The following PPP1R1C variants were observed in gnomAD, a reference collection of about 807,000 sequenced individuals.
PPP1R1C encodes protein phosphatase 1 regulatory inhibitor subunit 1C.
Under a neutral mutation model 17.4 loss-of-function variants are expected in PPP1R1C, and 15 were observed. The ratio of observed to expected loss-of-function variants is 0.86; its 90% CI spans 0.58 to 1.33. The LOEUF (loss-of-function observed/expected upper bound fraction) is 1.33. Ranked by LOEUF, PPP1R1C falls within the 40% of genes most tolerant of loss-of-function variation. The probability of loss-of-function intolerance (pLI) is 0.00; values close to 1 mark genes in which losing one functional copy is unlikely to be tolerated. For synonymous variants in PPP1R1C, 35 were observed against 43.1 expected, an observed-to-expected ratio of 0.81 and a Z score of 0.73; for missense variants, 143 against 130.0, an observed-to-expected ratio of 1.10 and a Z score of -0.48.
intron 3 of PPP1R1C, among the ~76,000 whole-genome samples, chr2:182,061,928 G>C (rs774023911): frequency 3.3e-5 from 5 of 152,010 alleles, no homozygotes; most frequent in African/African-American, 9.7e-5. Flanking sequence ...CAGATCCAAC[G>C]GGTTCACCTA....
intron 1 of PPP1R1C, among the ~76,000 whole-genome samples, chr2:181,959,217 C>T (rs921472720): frequency 1.3e-5 from 2 of 152,230 alleles, no homozygotes; most frequent in South Asian, 2.1e-4. Context: ...TGAAAACCTA[C>T]GATTAAGAAT....
Position 181,962,682 on chromosome 2 carries a change from C to CT in PPP1R1C, n.111+8049dup, listed in dbSNP as rs1166354838. On this transcript the variant is annotated intron_variant and non_coding_transcript_variant, in intron 1 of 5. Transcript: ENST00000464264. The surrounding 1 kb of genome is among the most constrained non-coding windows in gnomAD (Gnocchi z 6.0). Reference sequence around the variant, plus strand: ...CCCACCCTCTAGCCTCAATAAGCAGCTGTTGACCCCAGCAGTGTTTACTCC... The same window carrying CT: ...CCCACCCTCTAGCCTCAATAAGCAGCTTGTTGACCCCAGCAGTGTTTACTCC... Among the ~76,000 whole-genome samples the CT allele has an allele frequency of 1.3e-5, 2 of 152,228 alleles. No homozygotes were observed. Among genetic ancestry groups the CT allele is most frequent in the Non-Finnish European group, 2.9e-5 (2 of 68,040 alleles).
chr2:182,018,222 T>TA (rs554394074), intron 2 of PPP1R1C, among the ~76,000 whole-genome samples: 100 of 152,282 alleles, frequency 6.6e-4, no homozygotes, highest in African/African-American at 2.3e-3. Flanking sequence ...AAGTCTAGTT[T>TA]CTATGCTGGA....
At chr2:182,119,494 A>G (rs1303339488), downstream of PPP1R1C, among the ~76,000 whole-genome samples, 3 of 152,200 alleles carry the variant, frequency 2.0e-5, no homozygotes, top group African/African-American at 7.2e-5. Context: ...GACTTCCACA[A>G]TGGTTGAACT....
intron 2 of PPP1R1C, among the ~76,000 whole-genome samples, chr2:182,014,887 A>G (rs1686211465): frequency 6.6e-6 from 1 of 151,334 alleles, no homozygotes; most frequent in Non-Finnish European, 1.5e-5. Context: ...AGGCCCAAGG[A>G]CTCTTTAGTC....
chr2:182,090,796 C>A (rs1688759074), intron 4 of PPP1R1C, among the ~76,000 whole-genome samples: 2 of 151,990 alleles, frequency 1.3e-5, no homozygotes, highest in South Asian at 4.1e-4. Context: ...TTTTAAAAAG[C>A]CTTTTCAAAA....
chr2:181,986,169 T>C lies in PPP1R1C; in HGVS notation c.59T>C (p.Ile20Thr), dbSNP rs954795725. The part of the protein sequence containing the change: ...QFAVPVFQSQ[I>T]APEAAEQIRK... Reference sequence around the variant, plus strand: ...GCCGTGCCTGTATTCCAGAGTCAGATTGCACCTGAAGCAGCAGAGCAGGTA... The same window carrying C: ...GCCGTGCCTGTATTCCAGAGTCAGACTGCACCTGAAGCAGCAGAGCAGGTA... Residue 20 changes from isoleucine to threonine, a missense_variant, in exon 1 of 5, where the codon ATT becomes ACT. Coordinates refer to ENST00000682840, the MANE Select transcript of PPP1R1C (RefSeq NM_001080545.3). 6 of 1,613,654 alleles carry C rather than the reference T, an allele frequency of 3.7e-6. No homozygotes were observed. Among genetic ancestry groups the C allele is most frequent in the Admixed American group, 1.7e-5 (1 of 60,016 alleles).
At chr2:182,098,754 T>C (rs1337778472) in intron 4 of PPP1R1C, among the ~76,000 whole-genome samples, 1 of 152,168 alleles carries the variant, frequency 6.6e-6, no homozygotes, top group East Asian at 1.9e-4. Context: ...TCAGAACACT[T>C]GAAATTAGTA....
intron 4 of PPP1R1C, among the ~76,000 whole-genome samples, chr2:182,112,152 C>G (rs961373844): frequency 6.6e-6 from 1 of 152,104 alleles, no homozygotes; most frequent in Non-Finnish European, 1.5e-5. Context: ...GTACCTGTTT[C>G]TTTTTCATGC....
chr2:182,061,602 G>C, intron 3 of PPP1R1C, 123 bp downstream of exon 3: 1 of 528,442 alleles, frequency 1.9e-6, no homozygotes, highest in Non-Finnish European at 3.2e-6. Flanking sequence ...TGCTCCTTCT[G>C]ACTGAATAAA....
At chr2:181,966,179 T>C (rs1426850878) in intron 1 of PPP1R1C, among the ~76,000 whole-genome samples, 1 of 152,206 alleles carries the variant, frequency 6.6e-6, no homozygotes, top group African/African-American at 2.4e-5. Context: ...TTTCTGAATT[T>C]GTTTATGAGT....
intron 2 of PPP1R1C, among the ~76,000 whole-genome samples, chr2:182,008,629 T>C (rs1042143472): frequency 2.6e-5 from 4 of 152,218 alleles, no homozygotes; most frequent in Non-Finnish European, 2.9e-5. Flanking sequence ...TTAGGGTTAG[T>C]AAGGTATCCA....
intron 3 of PPP1R1C, among the ~76,000 whole-genome samples, 169 bp downstream of exon 3, chr2:182,061,648 G>T (rs1017815694): frequency 3.3e-5 from 5 of 152,036 alleles, no homozygotes; most frequent in African/African-American, 1.2e-4. Flanking sequence ...CTGCCTCTCA[G>T]TTACCTTTAT....
chr2:182,056,895 T>C (rs1381277187), intron 2 of PPP1R1C, among the ~76,000 whole-genome samples: 3 of 152,192 alleles, frequency 2.0e-5, no homozygotes, highest in Admixed American at 1.3e-4. Flanking sequence ...TTGAGCCACT[T>C]AGGCAATATT....
chr2:182,045,759 G>GA (rs1687324005), intron 2 of PPP1R1C, among the ~76,000 whole-genome samples: 1 of 151,934 alleles, frequency 6.6e-6, no homozygotes, highest in African/African-American at 2.4e-5. Context: ...AAAGGGTTTG[G>GA]AAAAAATAAA....
At chr2:182,063,200 A>G (rs899538953) in intron 3 of PPP1R1C, among the ~76,000 whole-genome samples, 29 of 151,892 alleles carry the variant, frequency 1.9e-4, no homozygotes, top group African/African-American at 6.8e-4. Context: ...TTTTTAACAT[A>G]TGAAGAATGT....
At chr2:182,096,889 T>C (rs1218113341) in intron 4 of PPP1R1C, among the ~76,000 whole-genome samples, 2 of 152,234 alleles carry the variant, frequency 1.3e-5, no homozygotes, top group East Asian at 3.8e-4. Context: ...CTAACTTCCA[T>C]GAAAAGCTTG....
intron 4 of PPP1R1C, among the ~76,000 whole-genome samples, chr2:182,089,297 C>A (rs1688716351): frequency 1.3e-5 from 2 of 152,132 alleles, no homozygotes; most frequent in Admixed American, 1.3e-4. Flanking sequence ...AATGCCAAAT[C>A]CTTAAAGACC....
intron 4 of PPP1R1C, among the ~76,000 whole-genome samples, chr2:182,068,506 T>G (rs1008000351): frequency 2.0e-5 from 3 of 152,164 alleles, no homozygotes; most frequent in Admixed American, 6.5e-5. Context: ...TCCATGTGGA[T>G]TACCACGCTT....
Sources: allele counts gnomAD v4.1 joint callset (sites outside exome capture counted in the v4.1 genomes callset), GRCh38; gene constraint gnomAD v4.1.1; non-coding constraint Gnocchi (gnomAD v3.1); transcripts MANE v1.5; gene names NCBI Gene and HGNC (gene_info 2026-07-23, HGNC 2026-07-21).